Variants in NEDD4 observed in about 807,000 individuals in gnomAD.
NEDD4 encodes the protein NEDD4 E3 ubiquitin protein ligase.
A neutral mutation model predicts 144.9 loss-of-function variants in NEDD4; 99 were observed. The observed-to-expected ratio is 0.68, with a 90% confidence interval of 0.58 to 0.81. The LOEUF is 0.81. NEDD4 is among the 30% of genes least tolerant of loss of function. NEDD4 has a pLI of 0.00. For missense variants in NEDD4, 985 were observed against 1,065.9 expected (o/e 0.92, Z 1.06); for synonymous variants, 318 against 350.6 (o/e 0.91, Z 1.04).
intron 6 of NEDD4, among the ~76,000 whole-genome samples, chr15:55,873,472 A>G (rs1013458346): frequency 1.3e-5 from 2 of 151,638 alleles, no homozygotes; most frequent in African/African-American, 4.9e-5. Context: ...TCCAAGTTCA[A>G]CTTGTATTAT....
chr15:55,863,648 A>G (rs2034487243), intron 8 of NEDD4, among the ~76,000 whole-genome samples: 1 of 152,234 alleles, frequency 6.6e-6, no homozygotes, highest in African/African-American at 2.4e-5. Flanking sequence ...GGAAAGTTGG[A>G]AAGTACTGAG....
intron 5 of NEDD4, chr15:55,916,625 T>C (rs760907153): frequency 6.2e-7 from 1 of 1,614,070 alleles, no homozygotes; most frequent in South Asian, 1.1e-5. Context: ...ATGATCTTTC[T>C]TGAGACTGAA....
Position 55,829,923 on chromosome 15 carries a change from T to G in NEDD4, c.2677A>C (p.Thr893Pro), listed in dbSNP as rs1287914890. 2.5e-6 allele frequency: 4 copies of G among 1,613,378 alleles called. No individual in the cohort carries two copies. In the African/African-American group the frequency reaches 5.3e-5, roughly 22 times the overall value. Residue 893 changes from threonine to proline, a missense_variant, in exon 29 of 29, where the codon ACC (threonine) becomes CCC (proline). Thr to Pro is a conservative substitution (Grantham distance 38). Transcript: ENST00000435532. ...TAATCAACTCCATCAAAGCCCTGGG[T>G]GTTTTCAATTGCCATCTGAAGTTTA... ...WDKLQMAIENTQGFDGVD is the reference protein window; with the variant it reads ...WDKLQMAIENPQGFDGVD
intron 5 of NEDD4, among the ~76,000 whole-genome samples, chr15:55,889,082 C>A (rs1184109678): frequency 1.3e-5 from 2 of 152,194 alleles, no homozygotes; most frequent in East Asian, 3.9e-4. Context: ...ACAACCAAAT[C>A]AAAATGGACA....
chr15:55,905,385 C>T (rs1469697997), intron 5 of NEDD4: 3 of 416,388 alleles, frequency 7.2e-6, no homozygotes, highest in South Asian at 1.8e-5. Flanking sequence ...ACAGTGAAAC[C>T]CACCAGTTGA....
chr15:55,855,117 T>C (rs753329330), intron 12 of NEDD4, among the ~76,000 whole-genome samples: 1 of 152,162 alleles, frequency 6.6e-6, no homozygotes, highest in Non-Finnish European at 1.5e-5. Flanking sequence ...AGAGCAATGA[T>C]GCATAGGTGG....
chr15:55,852,637 A>G (rs1039252549), intron 12 of NEDD4, 94 bp from the exon 13 acceptor site: 2 of 1,078,584 alleles, frequency 1.9e-6, no homozygotes, highest in African/African-American at 1.6e-5. Flanking sequence ...GTCTACTCTC[A>G]GCCCCAAGCA....
intron 27 of NEDD4, among the ~76,000 whole-genome samples, chr15:55,831,789 G>C (rs1286137121): frequency 2.6e-5 from 4 of 152,112 alleles, no homozygotes; most frequent in African/African-American, 9.7e-5. Flanking sequence ...CAATTTCCTA[G>C]GCAGCAGTCC....
chr15:55,840,774 A>G (rs371344503), intron 19 of NEDD4, 47 bp from the exon 20 acceptor site: 116 of 1,545,462 alleles, frequency 7.5e-5, no homozygotes, highest in Non-Finnish European at 1.0e-4. Flanking sequence ...AAACTTTAAT[A>G]TGACAAATAA....
At chr15:55,850,014 C>T (rs1277834591) in intron 14 of NEDD4, among the ~76,000 whole-genome samples, 3 of 152,044 alleles carry the variant, frequency 2.0e-5, no homozygotes, top group South Asian at 4.2e-4. Context: ...AGGATGGTCT[C>T]GATCTCCATC....
chr15:55,877,408 C>A (rs1329874681), intron 5 of NEDD4, among the ~76,000 whole-genome samples: 1 of 152,140 alleles, frequency 6.6e-6, no homozygotes, highest in Non-Finnish European at 1.5e-5. Context: ...AAAGGTGATG[C>A]TTGTGCCCTT....
chr15:55,961,110 A>G (rs61423234), intron 2 of NEDD4, among the ~76,000 whole-genome samples: 20,441 of 152,220 alleles, frequency 0.13, 1,494 homozygotes, highest in East Asian at 0.32. Context: ...GACAAGAGCT[A>G]TAAGAGCATC....
Position 55,840,001 on chromosome 15 carries a change from TA to T in NEDD4, c.2031+445del. Among the ~76,000 whole-genome samples, 2 of 14,628 alleles carry T rather than the reference TA, an allele frequency of 1.4e-4. 1 individual carries two copies. The highest frequency in any genetic ancestry group is 2.4e-3 in the Admixed American group (2 of 820). The allele number at this position is 14,628 out of a possible 152,430, so 9.6% of individuals were successfully genotyped here. ...AAAAAAAAAAAAAAAAAAAAAAAAA[TA>T]TATATATATATATATATATATATAT... On this transcript the variant is annotated intron_variant, in intron 21 of 28. Transcript: ENST00000435532.
intron 1 of NEDD4, among the ~76,000 whole-genome samples, chr15:55,970,891 C>T (rs1381114134): frequency 6.6e-6 from 1 of 152,158 alleles, no homozygotes; most frequent in South Asian, 2.1e-4. Context: ...TAGTGAACAT[C>T]CACAAGCATC....
At chr15:55,841,458 G>A (rs1329879757) in intron 19 of NEDD4, among the ~76,000 whole-genome samples, 3 of 152,194 alleles carry the variant, frequency 2.0e-5, no homozygotes, top group Admixed American at 6.5e-5. Context: ...AATGGGGAGC[G>A]AGTGCTTACT....
intron 1 of NEDD4, 130 bp from the exon 2 acceptor site, chr15:55,966,676 T>A: frequency 2.3e-6 from 1 of 444,140 alleles, no homozygotes. Context: ...TTTCAATAAT[T>A]AATTTTATTA....
intron 5 of NEDD4, among the ~76,000 whole-genome samples, chr15:55,882,731 AC>A (rs1362008218): frequency 6.6e-6 from 1 of 152,048 alleles, no homozygotes; most frequent in Non-Finnish European, 1.5e-5. Context: ...CCCTACACCA[AC>A]CCCAGGCAGT....
chr15:55,901,819 G>A (rs1373814497), intron 5 of NEDD4, among the ~76,000 whole-genome samples: 1 of 152,004 alleles, frequency 6.6e-6, no homozygotes, highest in East Asian at 1.9e-4. Flanking sequence ...ACAATATAAG[G>A]TAGATAATGA....
Position 55,842,001 on chromosome 15 carries a change from C to T in NEDD4, c.1771G>A (p.Glu591Lys). The change falls in exon 19 of 29, where the codon GAA becomes AAA. Residue 591 changes from glutamate (E) to lysine (K), a missense_variant. Coordinates refer to ENST00000435532, the MANE Select transcript of NEDD4 (RefSeq NM_006154.4). ...TCCTTTGAGATCAGGAAGAACCATT[C>T]TCTGGCAACTCCTCCATAATCCAAT... ...KGLDYGGVAR[E>K]WFFLISKEMF... 6.2e-7 allele frequency: 1 copy of T among 1,614,220 alleles called. No individual in the cohort carries two copies. The highest frequency in any genetic ancestry group is 8.5e-7 in the Non-Finnish European group (1 of 1,180,048).
Sources: allele counts gnomAD v4.1 joint callset (sites outside exome capture counted in the v4.1 genomes callset), GRCh38; gene constraint gnomAD v4.1.1; transcripts MANE v1.5; gene names NCBI Gene and HGNC (gene_info 2026-07-23, HGNC 2026-07-21).